Variants in PRPSAP1 observed in about 807,000 individuals in gnomAD.
PRPSAP1 encodes phosphoribosyl pyrophosphate synthase-associated protein 1.
PRPSAP1 carries 31 observed loss-of-function variants against 39.4 expected under a neutral mutation model. The ratio of observed to expected loss-of-function variants is 0.79; its 90% confidence interval spans 0.59 to 1.06. The LOEUF (loss-of-function observed/expected upper bound fraction) is 1.06, where lower values mean the gene tolerates loss of function less well. Ranked by LOEUF, PRPSAP1 falls within the 50% of genes least tolerant of loss-of-function variation. PRPSAP1 has a pLI of 0.00. For synonymous variants in PRPSAP1, 212 were observed against 192.6 expected, an observed-to-expected ratio of 1.10 and a Z score of -0.83; for missense variants, 430 against 511.6, an observed-to-expected ratio of 0.84 and a Z score of 1.54.
At chr17:76,350,084 A>C (rs1045783572) in intron 1 of PRPSAP1, among the ~76,000 whole-genome samples, 3 of 150,238 alleles carry the variant, frequency 2.0e-5, no homozygotes, top group African/African-American at 7.3e-5. Context: ...CAAAAAAAAA[A>C]AACAACAAAA....
rs1453299099 is a variant in PRPSAP1, at chr17:76,309,745, T to C, written c.*1797A>G. The C allele has an allele frequency of 2.0e-5, 3 of 152,228 alleles. No individual in the cohort carries two copies. The highest frequency in any genetic ancestry group is 2.9e-5 in the Non-Finnish European group (2 of 68,040). The allele number at this position is 152,228 out of a possible 1,614,324, so 9.4% of individuals were successfully genotyped here. On this transcript the variant is annotated 3_prime_UTR_variant, in exon 10 of 10. Transcript: ENST00000446526. ...AGGATGTGCATAGCTTATATGCAGA[T>C]ACTACACCATTTTCTATCAGGGACT...
intron 1 of PRPSAP1, 25 bp downstream of exon 1, chr17:76,353,509 C>A: frequency 1.4e-6 from 2 of 1,477,444 alleles, no homozygotes; most frequent in Admixed American, 2.4e-5. Flanking sequence ...CCGCCCCCGG[C>A]CCGGCCCTCC....
chr17:76,348,342 G>A (rs935957930), intron 2 of PRPSAP1, among the ~76,000 whole-genome samples, 187 bp downstream of exon 2: 2 of 151,466 alleles, frequency 1.3e-5, no homozygotes, highest in African/African-American at 4.8e-5. Flanking sequence ...GTGTGGTGGC[G>A]GGCGTCTGTA....
At position 76,332,355 on chromosome 17, in the gene PRPSAP1, A is replaced by C; in HGVS notation, c.371T>G (p.Val124Gly). The C allele has an allele frequency of 1.2e-6, 2 of 1,614,156 alleles. No homozygotes were observed. The highest frequency in any genetic ancestry group is 1.7e-6 in the Non-Finnish European group (2 of 1,180,020). ...CTTGCTGTAGGGGAAGTAGGGGATG[A>C]CCCCAATAATGTTCCTGGCACAGGC... ...KTACARNIIG[V>G]IPYFPYSKQS... Residue 124 changes from valine to glycine, a missense_variant, in exon 4 of 10, where the codon GTC becomes GGC. Val to Gly is a moderately radical substitution (Grantham distance 109). Around this residue, in one of 2 missense-constraint regions of PRPSAP1, gnomAD observed 278 missense variants for 376.3 expected, o/e 0.74. Transcript: ENST00000446526.
chr17:76,323,509 A>G (rs1214275139), intron 7 of PRPSAP1, among the ~76,000 whole-genome samples: 1 of 151,842 alleles, frequency 6.6e-6, no homozygotes, highest in East Asian at 1.9e-4. Context: ...CATTAACAGG[A>G]GTTTGGAAGA....
intron 3 of PRPSAP1, among the ~76,000 whole-genome samples, chr17:76,337,134 G>A (rs189934217): frequency 3.3e-5 from 5 of 152,018 alleles, no homozygotes; most frequent in Non-Finnish European, 7.4e-5. Flanking sequence ...TGCCCAGCTG[G>A]TCTTGTACTC....
At chr17:76,351,465 A>G (rs1007548883) in intron 1 of PRPSAP1, among the ~76,000 whole-genome samples, 1 of 152,196 alleles carries the variant, frequency 6.6e-6, no homozygotes, top group Non-Finnish European at 1.5e-5. Context: ...CAGTGAGCCG[A>G]GATCGCGCCA....
At chr17:76,342,312 G>A (rs1234183870) in intron 3 of PRPSAP1, among the ~76,000 whole-genome samples, 1 of 152,164 alleles carries the variant, frequency 6.6e-6, no homozygotes, top group Non-Finnish European at 1.5e-5. Context: ...GCTTCCTTCC[G>A]AGGTACCTGA....
chr17:76,346,520 C>T (rs1020692711), intron 2 of PRPSAP1, among the ~76,000 whole-genome samples: 10 of 152,164 alleles, frequency 6.6e-5, no homozygotes, highest in African/African-American at 1.9e-4. Context: ...AATTGATTAC[C>T]AGTGTGGCAG....
At chr17:76,343,303 T>C (rs1269124099) in intron 3 of PRPSAP1, among the ~76,000 whole-genome samples, 1 of 152,204 alleles carries the variant, frequency 6.6e-6, no homozygotes, top group African/African-American at 2.4e-5. Flanking sequence ...CAGGCCAGGA[T>C]TCCCCAGGTG....
At position 76,341,234 on chromosome 17, in the gene PRPSAP1, G is replaced by GT. The variant is rs5822126; in HGVS notation, c.290+3436dup. ...AGTGTTAACAATTTGACTTTTTTTT[G>GT]TTTTTTTTTTTTTTTTTTTTTGAGA... On this transcript the variant is annotated intron_variant, in intron 3 of 9. Coordinates refer to ENST00000446526, the MANE Select transcript of PRPSAP1 (RefSeq NM_002766.3). 4.8e-3 allele frequency among the ~76,000 whole-genome samples: 577 copies of GT among 119,968 alleles called. 4 individuals carry two copies. Among genetic ancestry groups the GT allele is most frequent in the Middle Eastern group, 0.013 (3 of 226 alleles). The allele number at this position is 119,968 out of a possible 152,430, so 78.7% of individuals were successfully genotyped here.
intron 1 of PRPSAP1, among the ~76,000 whole-genome samples, chr17:76,352,562 G>A (rs2071587126): frequency 1.3e-5 from 2 of 148,624 alleles, no homozygotes; most frequent in South Asian, 4.4e-4. Flanking sequence ...GGACAATGGC[G>A]TGAACCCGGG....
chr17:76,331,414 G>A (rs2071321295), intron 4 of PRPSAP1, among the ~76,000 whole-genome samples: 1 of 152,168 alleles, frequency 6.6e-6, no homozygotes, highest in Admixed American at 6.5e-5. Flanking sequence ...TGAAAAGGTA[G>A]TTAGGCCTAC....
In PRPSAP1 at chr17:76,311,614, A is replaced by G. The variant is rs916905466; in HGVS notation, c.1086T>C (p.Ser362=). 7 of 1,614,110 alleles carry G rather than the reference A, an allele frequency of 4.3e-6. No homozygotes were observed. In the Admixed American group the frequency reaches 1.2e-4, roughly 27 times the overall value. The part of the protein sequence containing the change: ...IKTVDISLIL[S]EAIRRIHNGE... ...CATTGTGGATTCTCCGAATGGCTTC[A>G]GAAAGAATCAAACTGATATCCACAG... The change falls in exon 10 of 10, where the codon TCT becomes TCC. Residue 362 remains serine, a synonymous_variant. Transcript: ENST00000446526.
intron 3 of PRPSAP1, chr17:76,337,515 G>C (rs1180745680): frequency 1.3e-5 from 2 of 152,438 alleles, no homozygotes; most frequent in East Asian, 3.9e-4. Context: ...CTCGCAAAAA[G>C]AGAAACCACA....
intron 7 of PRPSAP1, among the ~76,000 whole-genome samples, chr17:76,326,761 A>C (rs1225235393): frequency 6.6e-6 from 1 of 152,236 alleles, no homozygotes; most frequent in Non-Finnish European, 1.5e-5. Flanking sequence ...TGCTGGGACC[A>C]CTGGTGAAAC....
At chr17:76,320,290 G>GAAAGAAAGA (rs1555592751) in intron 7 of PRPSAP1, among the ~76,000 whole-genome samples, 9 of 103,340 alleles carry the variant, frequency 8.7e-5, no homozygotes, top group African/African-American at 3.6e-4. Context: ...AGAAAAGAAA[G>GAAAGAAAGA]AAAGAAAGAA....
At chr17:76,318,992 T>C (rs971411392) in intron 7 of PRPSAP1, among the ~76,000 whole-genome samples, 2 of 152,126 alleles carry the variant, frequency 1.3e-5, no homozygotes, top group African/African-American at 2.4e-5. Flanking sequence ...CAGGCTGGAG[T>C]GCAGTGGCGT....
At position 76,353,624 on chromosome 17, in the gene PRPSAP1, G is replaced by T. The variant is rs965558275; in HGVS notation, c.80C>A (p.Pro27Gln). ...GGTGCGAGCGGCGTTCATGGCCGGCGGGGGAACGGGGCGGGCGCGCGGGAC... is the reference window on the plus strand; with the variant it reads ...GGTGCGAGCGGCGTTCATGGCCGGCTGGGGAACGGGGCGGGCGCGCGGGAC... ...FRVPRARPVPPPAMNAARTGY... is the reference protein window; with the variant it reads ...FRVPRARPVPQPAMNAARTGY... Residue 27 changes from proline to glutamine, a missense_variant, in exon 1 of 10, where the codon CCG becomes CAG. Pro to Gln is a moderately conservative substitution (Grantham distance 76). This residue lies in a region of PRPSAP1 where 152 missense variants were observed against 135.2 expected (regional missense o/e 1.12). Transcript: ENST00000446526. 1 of 1,549,296 alleles carries T rather than the reference G, an allele frequency of 6.5e-7. No individual in the cohort carries two copies.
Sources: allele counts gnomAD v4.1 joint callset (sites outside exome capture counted in the v4.1 genomes callset), GRCh38; gene constraint gnomAD v4.1.1; regional missense constraint gnomAD v4.1.1; transcripts MANE v1.5; gene names NCBI Gene and HGNC (gene_info 2026-07-23, HGNC 2026-07-21).